The following NUP107 variants were observed in gnomAD, a reference collection of about 807,000 sequenced individuals.
NUP107 encodes nuclear pore complex protein Nup107.
In NUP107, 101 loss-of-function variants were observed where a neutral mutation model predicts 141.0. That is an observed-to-expected ratio of 0.72 (90% CI 0.61 to 0.84). The LOEUF (loss-of-function observed/expected upper bound fraction) is 0.84. NUP107 is among the 40% of genes least tolerant of loss of function. The probability of loss-of-function intolerance (pLI) is 0.00; values close to 1 mark genes in which losing one functional copy is unlikely to be tolerated. For synonymous variants in NUP107, 319 were observed against 363.9 expected, an observed-to-expected ratio of 0.88 and a Z score of 1.41; for missense variants, 941 against 1,102.7, an observed-to-expected ratio of 0.85 and a Z score of 2.08.
intron 24 of NUP107, 141 bp downstream of exon 24, chr12:68,733,753 G>A: frequency 1.4e-6 from 1 of 714,792 alleles, no homozygotes; most frequent in Non-Finnish European, 2.3e-6. Flanking sequence ...CATCCACAAG[G>A]GGACTGACTT....
chr12:68,699,297 C>T (rs965102316), intron 6 of NUP107, among the ~76,000 whole-genome samples: 1 of 151,948 alleles, frequency 6.6e-6, no homozygotes, highest in African/African-American at 2.4e-5. Context: ...CGCTTGAACC[C>T]GGGAGGCAGA....
At chr12:68,734,668 T>C (rs1565703854) in intron 24 of NUP107, 40 bp from the exon 25 acceptor site, 2 of 1,438,832 alleles carry the variant, frequency 1.4e-6, no homozygotes, top group African/African-American at 1.4e-5. Flanking sequence ...GTGAAAACTT[T>C]TGTTATTTTA....
At chr12:68,705,095 C>T (rs1365094698) in intron 8 of NUP107, among the ~76,000 whole-genome samples, 1 of 152,014 alleles carries the variant, frequency 6.6e-6, no homozygotes, top group Non-Finnish European at 1.5e-5. Flanking sequence ...ACTATGTTGC[C>T]CAGGCTGGTC....
chr12:68,710,533 T>C (rs181128746), intron 10 of NUP107, among the ~76,000 whole-genome samples: 24 of 151,454 alleles, frequency 1.6e-4, no homozygotes, highest in African/African-American at 4.9e-4. Context: ...CGCACACCTG[T>C]AATCCCAGCT....
intron 26 of NUP107, among the ~76,000 whole-genome samples, chr12:68,736,686 C>T (rs10878862): frequency 3.0e-4 from 45 of 148,060 alleles, no homozygotes; most frequent in African/African-American, 8.0e-4. Flanking sequence ...TGAAGTGCTG[C>T]GATTACAGGC....
At chr12:68,688,033 A>T (rs1263644348) in intron 1 of NUP107, among the ~76,000 whole-genome samples, 2 of 152,076 alleles carry the variant, frequency 1.3e-5, no homozygotes, top group Non-Finnish European at 2.9e-5. Context: ...CTAGGATATG[A>T]AAAAAAAGTA....
chr12:68,710,380 G>A (rs930399430), intron 10 of NUP107, among the ~76,000 whole-genome samples: 2 of 152,066 alleles, frequency 1.3e-5, no homozygotes, highest in East Asian at 3.8e-4. Context: ...AAAACAAGCC[G>A]GGTGTGATGG....
chr12:68,738,628 C>T (rs922645072), intron 26 of NUP107, among the ~76,000 whole-genome samples: 1 of 152,138 alleles, frequency 6.6e-6, no homozygotes, highest in African/African-American at 2.4e-5. Context: ...GTGCTGTTTT[C>T]GTATAGCTAC....
chr12:68,690,388 T>C, intron 3 of NUP107: 1 of 541,108 alleles, frequency 1.8e-6, no homozygotes, highest in Non-Finnish European at 3.3e-6. Context: ...TATTCTATAA[T>C]GAAAGCATCT....
At position 68,702,877 on chromosome 12, in the gene NUP107, C is replaced by G. The variant is rs550187604; in HGVS notation, c.729+93C>G. On this transcript the variant is annotated intron_variant, in intron 8 of 27. Coordinates refer to ENST00000229179, the MANE Select transcript of NUP107 (RefSeq NM_020401.4). Reference sequence around the variant, plus strand: ...TTTTTTTTTGAGTTGGAGTTTCGCTCTTGTTGCCCAGGCTGGAGGGCAATG... The same window carrying G: ...TTTTTTTTTGAGTTGGAGTTTCGCTGTTGTTGCCCAGGCTGGAGGGCAATG... 11 of 642,754 alleles carry G rather than the reference C, an allele frequency of 1.7e-5. No homozygotes were observed. The East Asian group carries it at 4.0e-4, about 23-fold the overall frequency. 39.8% of individuals were successfully genotyped at this position (642,754 alleles called of 1,614,324 possible).
intron 8 of NUP107, chr12:68,705,532 TAAAAA>T (rs34838748): frequency 2.9e-5 from 6 of 209,618 alleles, no homozygotes; most frequent in South Asian, 5.5e-5. Flanking sequence ...AAGTATTCTT[TAAAAA>T]AAAAAAAAAA....
intron 15 of NUP107, among the ~76,000 whole-genome samples, chr12:68,721,491 G>A (rs1877347502): frequency 6.6e-6 from 1 of 152,076 alleles, no homozygotes; most frequent in South Asian, 2.1e-4. Context: ...AAATGTACCG[G>A]AAAGACACAG....
chr12:68,732,099 A>G, intron 22 of NUP107, among the ~76,000 whole-genome samples: 1 of 152,170 alleles, frequency 6.6e-6, no homozygotes, highest in East Asian at 1.9e-4. Flanking sequence ...AAGGCATACA[A>G]TATATAATTC....
chr12:68,720,124 G>A (rs1447119284), intron 14 of NUP107, among the ~76,000 whole-genome samples: 1 of 152,084 alleles, frequency 6.6e-6, no homozygotes, highest in Non-Finnish European at 1.5e-5. Context: ...TCATCACAAT[G>A]TACAACATTG....
intron 17 of NUP107, among the ~76,000 whole-genome samples, chr12:68,724,028 G>T (rs1877457897): frequency 6.6e-6 from 1 of 151,968 alleles, no homozygotes; most frequent in African/African-American, 2.4e-5. Flanking sequence ...TACTAGAAAG[G>T]GAAGAACATT....
chr12:68,731,153 C>A lies in NUP107; in HGVS notation c.1778C>A (p.Thr593Asn). The A allele has an allele frequency of 1.9e-6, 3 of 1,608,414 alleles. No individual in the cohort carries two copies. The highest frequency in any genetic ancestry group is 2.5e-6 in the Non-Finnish European group (3 of 1,177,136). ...EKHTNLIAFY[T>N]CHLPQDLAVA... is the part of the protein sequence containing the mutation. ...CATACAAATCTTATAGCATTTTATACCTGTCATTTGCCTCAAGACCTAGCT... is the reference window on the plus strand; with the variant it reads ...CATACAAATCTTATAGCATTTTATAACTGTCATTTGCCTCAAGACCTAGCT... The change falls in exon 21 of 28, where the codon ACC becomes AAC. Residue 593 changes from threonine to asparagine, a missense_variant. Thr to Asn is a moderately conservative substitution (Grantham distance 65). Transcript: ENST00000229179.
At chr12:68,700,920 A>G in intron 7 of NUP107, 67 bp downstream of exon 7, 2 of 1,417,518 alleles carry the variant, frequency 1.4e-6, no homozygotes, top group Non-Finnish European at 1.9e-6. Flanking sequence ...AAATTAATTT[A>G]AAAGTTAGGG....
intron 20 of NUP107, 82 bp downstream of exon 20, chr12:68,727,471 C>T (rs1877612873): frequency 5.3e-6 from 4 of 750,262 alleles, no homozygotes; most frequent in Middle Eastern, 2.7e-4. Flanking sequence ...TTTTAATTCT[C>T]AGTGGTAAGA....
intron 24 of NUP107, among the ~76,000 whole-genome samples, chr12:68,734,058 C>G (rs970455606): frequency 6.6e-6 from 1 of 152,112 alleles, no homozygotes; most frequent in African/African-American, 2.4e-5. Flanking sequence ...ATTGCTTGAG[C>G]CTGGGAGTTC....
Sources: allele counts gnomAD v4.1 joint callset (sites outside exome capture counted in the v4.1 genomes callset), GRCh38; gene constraint gnomAD v4.1.1; transcripts MANE v1.5; gene names NCBI Gene and HGNC (gene_info 2026-07-23, HGNC 2026-07-21).